L3MBTL4: variants seen among roughly 807,000 people sequenced by gnomAD.
The protein encoded by L3MBTL4 is L3MBTL histone methyl-lysine binding protein 4.
Under a neutral mutation model 84.5 loss-of-function variants are expected in L3MBTL4, and 70 were observed. The ratio of observed to expected loss-of-function variants is 0.83; its 90% confidence interval spans 0.68 to 1.01. The LOEUF (loss-of-function observed/expected upper bound fraction) is 1.01. Ranked by LOEUF, L3MBTL4 falls within the 50% of genes least tolerant of loss-of-function variation. The pLI, the probability that L3MBTL4 is intolerant of heterozygous loss-of-function variation, is 0.00. For missense variants in L3MBTL4, 715 were observed against 754.8 expected (o/e 0.95, Z 0.62); for synonymous variants, 274 against 259.8 (o/e 1.05, Z -0.52).
At chr18:6,041,284 G>A (rs1024167421) in intron 16 of L3MBTL4, among the ~76,000 whole-genome samples, 4 of 152,202 alleles carry the variant, frequency 2.6e-5, no homozygotes, top group African/African-American at 7.2e-5. Flanking sequence ...GCCCAGGTGA[G>A]CATGCTGCAG....
intron 12 of L3MBTL4, among the ~76,000 whole-genome samples, chr18:6,185,344 G>C (rs763611259): frequency 6.6e-6 from 1 of 152,164 alleles, no homozygotes; most frequent in Non-Finnish European, 1.5e-5. Context: ...AGATCCATAC[G>C]GTGCCAAGGA....
chr18:6,186,759 A>G (rs1192249817), intron 12 of L3MBTL4, among the ~76,000 whole-genome samples: 1 of 152,210 alleles, frequency 6.6e-6, no homozygotes, highest in Non-Finnish European at 1.5e-5. Flanking sequence ...CAGGGTACGC[A>G]GAGAGCCGCA....
At chr18:6,185,835 A>G (rs1232737209) in intron 12 of L3MBTL4, among the ~76,000 whole-genome samples, 3 of 152,150 alleles carry the variant, frequency 2.0e-5, no homozygotes, top group Non-Finnish European at 4.4e-5. Context: ...GAGGCTGCCA[A>G]ATAGACATGT....
At chr18:6,136,741 T>C (rs1333980919) in intron 14 of L3MBTL4, among the ~76,000 whole-genome samples, 1 of 152,216 alleles carries the variant, frequency 6.6e-6, no homozygotes, top group Non-Finnish European at 1.5e-5. Flanking sequence ...TTGGGTGTGC[T>C]CCCACTCTAT....
intron 11 of L3MBTL4, 45 bp downstream of exon 11, chr18:6,215,705 C>A (rs1405647217): frequency 8.9e-7 from 1 of 1,128,984 alleles, no homozygotes; most frequent in Non-Finnish European, 1.3e-6. Context: ...TGACTCAATA[C>A]AAACGTTGTT....
At chr18:6,366,507 G>A (rs2053940496) in intron 1 of L3MBTL4, among the ~76,000 whole-genome samples, 1 of 152,172 alleles carries the variant, frequency 6.6e-6, no homozygotes, top group Non-Finnish European at 1.5e-5. Context: ...ATATTATCTA[G>A]GAGTAGTTCT....
chr18:6,071,389 A>G (rs1218453328), intron 16 of L3MBTL4, among the ~76,000 whole-genome samples: 2 of 135,406 alleles, frequency 1.5e-5, no homozygotes, highest in Non-Finnish European at 3.3e-5. Flanking sequence ...GACTCTTTCA[A>G]TTAAAAAAAA....
chr18:6,119,918 G>T (rs1204627334), intron 14 of L3MBTL4, among the ~76,000 whole-genome samples: 1 of 152,144 alleles, frequency 6.6e-6, no homozygotes, highest in Non-Finnish European at 1.5e-5. Context: ...CCACCAACTG[G>T]GTAATTGTCT....
chr18:6,330,346 C>T (rs1476669963), intron 1 of L3MBTL4, among the ~76,000 whole-genome samples: 1 of 152,318 alleles, frequency 6.6e-6, no homozygotes, highest in Admixed American at 6.5e-5. Context: ...CAAGGTTTCA[C>T]CAAGGGTGTG....
chr18:6,403,735 C>G (rs1245671606), intron 1 of L3MBTL4, among the ~76,000 whole-genome samples: 1 of 152,160 alleles, frequency 6.6e-6, no homozygotes, highest in Non-Finnish European at 1.5e-5. Flanking sequence ...ATCCAGCAAT[C>G]CCACTACTGG....
At chr18:6,198,463 T>C (rs1010106331) in intron 12 of L3MBTL4, among the ~76,000 whole-genome samples, 4 of 152,222 alleles carry the variant, frequency 2.6e-5, no homozygotes, top group Non-Finnish European at 4.4e-5. Context: ...TATTTCTGTA[T>C]CTTGCACCAT....
intron 4 of L3MBTL4, among the ~76,000 whole-genome samples, chr18:6,289,505 T>G (rs1001332538): frequency 6.6e-6 from 1 of 152,244 alleles, no homozygotes; most frequent in Non-Finnish European, 1.5e-5. Flanking sequence ...GTTTAAAATG[T>G]TGTCCTCTTC....
chr18:6,112,459 A>G (rs2059224790), intron 14 of L3MBTL4, among the ~76,000 whole-genome samples: 1 of 152,232 alleles, frequency 6.6e-6, no homozygotes, highest in South Asian at 2.1e-4. Flanking sequence ...TATAGCCTGT[A>G]AGGAAGGCAC....
intron 16 of L3MBTL4, among the ~76,000 whole-genome samples, chr18:5,983,168 C>T (rs1345700550): frequency 1.3e-5 from 2 of 152,152 alleles, no homozygotes; most frequent in South Asian, 2.1e-4. Flanking sequence ...TTACTTGTAA[C>T]GATATGGTAA....
intron 16 of L3MBTL4, among the ~76,000 whole-genome samples, chr18:6,044,633 G>T (rs1387656066): frequency 6.6e-6 from 1 of 151,858 alleles, no homozygotes; most frequent in East Asian, 1.9e-4. Context: ...TAAAAGAAAA[G>T]AAAAAGAAAG....
intron 16 of L3MBTL4, among the ~76,000 whole-genome samples, chr18:6,040,083 G>A (rs1182343865): frequency 6.6e-6 from 1 of 152,028 alleles, no homozygotes; most frequent in Non-Finnish European, 1.5e-5. Flanking sequence ...ATTTCAAAAG[G>A]CCAGAAGAAT....
intron 1 of L3MBTL4, among the ~76,000 whole-genome samples, chr18:6,394,053 T>TC (rs5822894): frequency 0.52 from 78,519 of 151,892 alleles, 20,363 homozygotes; most frequent in East Asian, 0.59. Context: ...CTAGACACCA[T>TC]CACATTACTC....
chr18:6,363,080 T>C (rs2053780204), intron 1 of L3MBTL4, among the ~76,000 whole-genome samples: 1 of 152,192 alleles, frequency 6.6e-6, no homozygotes, highest in Non-Finnish European at 1.5e-5. Context: ...AGGACATATA[T>C]CGGGGATGAA....
intron 16 of L3MBTL4, among the ~76,000 whole-genome samples, chr18:6,034,361 T>C (rs1013269578): frequency 3.3e-5 from 5 of 152,024 alleles, no homozygotes; most frequent in East Asian, 3.9e-4. Flanking sequence ...TGTGTTCTCA[T>C]TGTTCAATTC....
Sources: gnomAD v4.1 joint callset for allele counts (sites outside exome capture counted in the v4.1 genomes callset) on GRCh38, gnomAD v4.1.1 for gene constraint, MANE v1.5 for transcripts, NCBI Gene and HGNC (gene_info 2026-07-23, HGNC 2026-07-21) for gene names.